The following FAIM2 variants were observed in gnomAD, a reference collection of about 807,000 sequenced individuals.
The protein encoded by FAIM2 is Fas apoptotic inhibitory molecule 2.
FAIM2 carries 27 observed loss-of-function variants against 47.4 expected under a neutral mutation model. The observed-to-expected ratio is 0.57, with a 90% CI of 0.42 to 0.78. FAIM2 has a LOEUF of 0.78. FAIM2 is among the 30% of genes least tolerant of loss of function. FAIM2 has a pLI of 0.00. For missense variants in FAIM2, 311 were observed against 389.4 expected (o/e 0.80, Z 1.69); for synonymous variants, 156 against 159.3 (o/e 0.98, Z 0.16).
chr12:49,872,949 G>C (rs1946713086), intron 11 of FAIM2, among the ~76,000 whole-genome samples: 1 of 152,230 alleles, frequency 6.6e-6, no homozygotes, highest in Non-Finnish European at 1.5e-5. Flanking sequence ...TGGTTTCATT[G>C]TTATTATCTG....
At position 49,870,626 on chromosome 12, in the gene FAIM2, T is replaced by G. The variant is rs1292582499; in HGVS notation, c.829A>C (p.Met277Leu). The change falls in exon 12 of 12, where the codon ATG becomes CTG. Residue 277 changes from methionine to leucine, a missense_variant. Transcript: ENST00000320634. ...LFLALDTQLLMGNRRHSLSPE... is the reference protein window; with the variant it reads ...LFLALDTQLLLGNRRHSLSPE... ...CTCAGCGAGTGGCGTCGGTTACCCA[T>G]CAGCAACTGGGTGTCAAGTGCCAGG... 1 of 1,613,716 alleles carries G rather than the reference T, an allele frequency of 6.2e-7. No homozygotes were observed. The highest frequency in any genetic ancestry group is 8.5e-7 in the Non-Finnish European group (1 of 1,179,866).
chr12:49,887,336 A>G (rs1176681534), intron 11 of FAIM2, 50 bp downstream of exon 11: 12 of 1,526,142 alleles, frequency 7.9e-6, no homozygotes, highest in Non-Finnish European at 1.1e-5. Flanking sequence ...GACTGGGGTG[A>G]TGGTCAGGAT....
chr12:49,901,627 A>C, intron 1 of FAIM2: 1 of 284,620 alleles, frequency 3.5e-6, no homozygotes, highest in Non-Finnish European at 6.5e-6. Context: ...CAGGGTCTCT[A>C]TGGTTCCAGA....
rs372432296 is a variant in FAIM2 at position 49,897,589 on chromosome 12, G to A, written c.316-6C>T. On this transcript the variant is annotated splice_region_variant and splice_polypyrimidine_tract_variant and intron_variant, in intron 3 of 11. Coordinates refer to ENST00000320634, the MANE Select transcript of FAIM2 (RefSeq NM_012306.4). The stretch of plus-strand genomic sequence containing the variant: ...ATCAGCAGGATGGTGTAGACCTGGG[G>A]GTGGGAGGGGTTCTACTCAGCTTGG... 5.6e-6 allele frequency: 9 copies of A among 1,610,708 alleles called. No individual in the cohort carries two copies. The East Asian group carries it at 1.8e-4, about 32-fold the overall frequency.
chr12:49,879,560 ATGCATGTATATG>A (rs1565614148), intron 11 of FAIM2, among the ~76,000 whole-genome samples: 1 of 149,230 alleles, frequency 6.7e-6, no homozygotes, highest in African/African-American at 2.5e-5. Flanking sequence ...GTGTATGTGC[ATGCATGTATATG>A]TGCGTGTATA....
Position 49,897,507 on chromosome 12 carries a change from C to T in FAIM2, c.380+12G>A. On this transcript the variant is annotated intron_variant, in intron 4 of 11. Transcript: ENST00000320634. ...CATCCCTGGAAGGTGCTGGTCCATG[C>T]TGCCAACTCACCAGAAAGTAAAGAG... 1 of 1,613,462 alleles carries T rather than the reference C, an allele frequency of 6.2e-7. No homozygotes were observed. The highest frequency in any genetic ancestry group is 8.5e-7 in the Non-Finnish European group (1 of 1,179,358).
chr12:49,900,554 C>T (rs1239227166), intron 2 of FAIM2, among the ~76,000 whole-genome samples: 5 of 152,184 alleles, frequency 3.3e-5, no homozygotes, highest in African/African-American at 1.2e-4. Context: ...AACCACACTC[C>T]CTCCCTGGGT....
intron 2 of FAIM2, 66 bp downstream of exon 2, chr12:49,901,064 C>G: frequency 7.7e-7 from 1 of 1,305,390 alleles, no homozygotes; most frequent in Non-Finnish European, 1.0e-6. Flanking sequence ...TCCTCCTACT[C>G]AGGTTTTCCC....
At position 49,870,549 on chromosome 12, in the gene FAIM2, A is replaced by G. The variant is rs1333548722; in HGVS notation, c.906T>C (p.Tyr302=). ...GALNIYLDII[Y]IFTFFLQLFG... Reference sequence around the variant, plus strand: ...AAAGCTGCAGGAAGAAGGTGAAGATATAGATGATGTCTAGGTAAATGTTGA... The same window carrying G: ...AAAGCTGCAGGAAGAAGGTGAAGATGTAGATGATGTCTAGGTAAATGTTGA... The change falls in exon 12 of 12, where the codon TAT becomes TAC. Residue 302 remains tyrosine (Y), a synonymous_variant. Transcript: ENST00000320634. 1 of 1,613,994 alleles carries G rather than the reference A, an allele frequency of 6.2e-7. No homozygotes were observed. Among genetic ancestry groups the G allele is most frequent in the Non-Finnish European group, 8.5e-7 (1 of 1,179,914 alleles).
intron 11 of FAIM2, among the ~76,000 whole-genome samples, chr12:49,886,094 G>A (rs527574732): frequency 1.3e-5 from 2 of 152,176 alleles, no homozygotes; most frequent in East Asian, 1.9e-4. Flanking sequence ...TGAGCTGAAC[G>A]TTCCAGCGAG....
intron 11 of FAIM2, among the ~76,000 whole-genome samples, chr12:49,887,033 G>A (rs1473308923): frequency 6.6e-6 from 1 of 152,104 alleles, no homozygotes. Context: ...CCCTAGGAGG[G>A]TAACTACTAA....
rs1392990385 is a variant in FAIM2, at chr12:49,874,433, C to CAGGG, written c.802-3784_802-3781dup. 6.6e-6 allele frequency among the ~76,000 whole-genome samples: 1 copy of CAGGG among 152,072 alleles called. No individual in the cohort carries two copies. The highest frequency in any genetic ancestry group is 1.5e-5 in the Non-Finnish European group (1 of 68,006). On this transcript the variant is annotated intron_variant, in intron 11 of 11. Coordinates refer to ENST00000320634, the MANE Select transcript of FAIM2 (RefSeq NM_012306.4). The surrounding 1 kb of genome is among the most constrained non-coding windows in gnomAD (Gnocchi z 4.2). ...TGGAGATAGGGGAGGAGTGGGCTTG[C>CAGGG]AGGGAGGGAGGGAGCATGTGCAGAG...
intron 11 of FAIM2, among the ~76,000 whole-genome samples, chr12:49,880,755 C>T (rs865656): frequency 0.77 from 115,690 of 151,214 alleles, 44,614 homozygotes; most frequent in African/African-American, 0.86. Context: ...TGTGTGTGTG[C>T]GCATGTGGGT....
rs144851446 is a variant in FAIM2 at position 49,901,210 on chromosome 12, C to G, written c.131G>C (p.Gly44Ala). 166 of 1,611,778 alleles carry G rather than the reference C, an allele frequency of 1.0e-4. No homozygotes were observed. Among genetic ancestry groups the G allele is most frequent in the Non-Finnish European group, 1.4e-4 (160 of 1,179,064 alleles). ...GAAGGCCCCTGCCTTCATCCCCTCC[C>G]CAGAGGTGGCTTCCTCATAGGAGGG... is the stretch of plus-strand genomic sequence containing the variant. The part of the protein sequence containing the change: ...APPSYEEATS[G>A]EGMKAGAFPP... Residue 44 changes from glycine to alanine, a missense_variant, in exon 2 of 12, where the codon GGG (glycine) becomes GCG (alanine). Coordinates refer to ENST00000320634, the MANE Select transcript of FAIM2 (RefSeq NM_012306.4).
At position 49,877,894 on chromosome 12, in the gene FAIM2, ATG is replaced by A. The variant is rs754827785; in HGVS notation, c.802-7243_802-7242del. Among the ~76,000 whole-genome samples the A allele has an allele frequency of 5.5e-5, 8 of 145,714 alleles. No individual in the cohort carries two copies. The South Asian group carries it at 6.6e-4, about 12-fold the overall frequency. ...TGTATACATATATGTGTATGTGGGT[ATG>A]TGTGTGTATATGTGTCCATGTGAGT... On this transcript the variant is annotated intron_variant, in intron 11 of 11. Coordinates refer to ENST00000320634, the MANE Select transcript of FAIM2 (RefSeq NM_012306.4).
At chr12:49,880,486 G>GTGTGTGTA (rs1946808780) in intron 11 of FAIM2, among the ~76,000 whole-genome samples, 1 of 142,936 alleles carries the variant, frequency 7.0e-6, no homozygotes, top group African/African-American at 2.6e-5. Context: ...GCATGTGTAT[G>GTGTGTGTA]CATGTGTATG....
intron 11 of FAIM2, among the ~76,000 whole-genome samples, chr12:49,880,629 T>C (rs1033615321): frequency 4.8e-5 from 3 of 62,434 alleles, no homozygotes; most frequent in Non-Finnish European, 8.7e-5. Flanking sequence ...TGTGCATGTG[T>C]GTATATATAT....
At chr12:49,880,170 G>GTGTGCA (rs1555158430) in intron 11 of FAIM2, among the ~76,000 whole-genome samples, 3,337 of 144,434 alleles carry the variant, frequency 0.023, 48 homozygotes, top group African/African-American at 0.08. Flanking sequence ...ATGTGTGTAT[G>GTGTGCA]TGTGTGTATG....
chr12:49,877,766 G>A (rs891020544), intron 11 of FAIM2, among the ~76,000 whole-genome samples: 3 of 152,028 alleles, frequency 2.0e-5, no homozygotes, highest in African/African-American at 4.8e-5. Context: ...GTGTATGTGC[G>A]TATGTATATG....
Sources: allele counts gnomAD v4.1 joint callset (sites outside exome capture counted in the v4.1 genomes callset), GRCh38; gene constraint gnomAD v4.1.1; non-coding constraint Gnocchi (gnomAD v3.1); transcripts MANE v1.5; gene names NCBI Gene and HGNC (gene_info 2026-07-23, HGNC 2026-07-21).